The following PDE8A variants were observed in gnomAD, a reference collection of about 807,000 sequenced individuals.
PDE8A encodes the protein phosphodiesterase 8A.
A neutral mutation model predicts 105.0 loss-of-function variants in PDE8A; 59 were observed. The ratio of observed to expected loss-of-function variants is 0.56; its 90% CI spans 0.46 to 0.70. PDE8A has a LOEUF of 0.70. Among genes scored for constraint, PDE8A ranks in the 30% least tolerant of loss-of-function variants. The pLI is 0.00. For missense variants in PDE8A, 1,014 were observed against 1,045.9 expected (o/e 0.97, Z 0.42); for synonymous variants, 355 against 371.9 (o/e 0.95, Z 0.52).
chr15:85,114,428 C>T (rs1163308932), intron 14 of PDE8A, among the ~76,000 whole-genome samples: 3 of 152,106 alleles, frequency 2.0e-5, no homozygotes, highest in African/African-American at 7.2e-5. Context: ...AAAATGGTGC[C>T]GGGGGTGCAA....
At chr15:84,998,781 C>T (rs894357718) in intron 1 of PDE8A, among the ~76,000 whole-genome samples, 2 of 152,058 alleles carry the variant, frequency 1.3e-5, no homozygotes, top group African/African-American at 2.4e-5. Flanking sequence ...CAAAAACTTC[C>T]CATGAGGTGA....
At chr15:85,116,226 G>T in intron 16 of PDE8A, 107 bp downstream of exon 16, 1 of 1,199,616 alleles carries the variant, frequency 8.3e-7, no homozygotes, top group Non-Finnish European at 1.2e-6. Flanking sequence ...CCTGGTCAGG[G>T]TGGGGCCCTA....
At chr15:85,043,703 TG>T (rs1363025443) in intron 1 of PDE8A, among the ~76,000 whole-genome samples, 9 of 151,428 alleles carry the variant, frequency 5.9e-5, no homozygotes, top group African/African-American at 2.2e-4. Context: ...TTTGTTTGTT[TG>T]TTTGTTTTTT....
At chr15:85,021,371 G>A (rs289408) in intron 1 of PDE8A, among the ~76,000 whole-genome samples, 104,645 of 151,970 alleles carry the variant, frequency 0.69, 36,491 homozygotes, top group Non-Finnish European at 0.75. Flanking sequence ...ATGTGACCCC[G>A]TCTCTAAAGA....
At chr15:84,996,178 A>AT (rs903551972) in intron 1 of PDE8A, among the ~76,000 whole-genome samples, 7 of 135,884 alleles carry the variant, frequency 5.2e-5, no homozygotes, top group African/African-American at 2.6e-4. Flanking sequence ...TGTTTTTAAA[A>AT]TTTTTTTTAA....
intron 1 of PDE8A, among the ~76,000 whole-genome samples, chr15:85,047,436 ACT>A (rs1456671228): frequency 6.6e-6 from 1 of 152,022 alleles, no homozygotes; most frequent in East Asian, 1.9e-4. Context: ...CTGTTAGGAG[ACT>A]CTGCTCCATA....
chr15:85,033,884 C>T (rs1440176736), intron 1 of PDE8A, among the ~76,000 whole-genome samples: 1 of 152,014 alleles, frequency 6.6e-6, no homozygotes, highest in East Asian at 1.9e-4. Flanking sequence ...AAAACAAAAA[C>T]ACAAAAATTC....
intron 1 of PDE8A, among the ~76,000 whole-genome samples, chr15:85,025,627 G>C (rs1303017515): frequency 6.6e-6 from 1 of 152,124 alleles, no homozygotes; most frequent in Non-Finnish European, 1.5e-5. Flanking sequence ...AGATTAATCT[G>C]AGTTTATATT....
chr15:85,108,810 C>A (rs905003924), intron 11 of PDE8A, among the ~76,000 whole-genome samples: 1 of 152,072 alleles, frequency 6.6e-6, no homozygotes, highest in Non-Finnish European at 1.5e-5. Context: ...TGTCTTGGGA[C>A]TCTGTAATTA....
intron 1 of PDE8A, among the ~76,000 whole-genome samples, chr15:85,008,978 G>T (rs2080194619): frequency 6.6e-6 from 1 of 152,100 alleles, no homozygotes; most frequent in South Asian, 2.1e-4. Context: ...CTCCTGTTCT[G>T]ACACTGGGCC....
At chr15:85,001,490 T>G (rs2080066959) in intron 1 of PDE8A, among the ~76,000 whole-genome samples, 1 of 152,232 alleles carries the variant, frequency 6.6e-6, no homozygotes, top group Non-Finnish European at 1.5e-5. Context: ...TTTTCCCTCC[T>G]GACTGTTTCA....
At chr15:85,077,428 T>C (rs1228002428) in intron 5 of PDE8A, among the ~76,000 whole-genome samples, 2 of 152,214 alleles carry the variant, frequency 1.3e-5, no homozygotes, top group Non-Finnish European at 2.9e-5. Flanking sequence ...CCCAGGTTAG[T>C]ATAAGAAAGG....
At chr15:85,135,717 G>A (rs1244435379) in intron 20 of PDE8A, among the ~76,000 whole-genome samples, 2 of 152,076 alleles carry the variant, frequency 1.3e-5, no homozygotes, top group South Asian at 2.1e-4. Context: ...GCACCATTGG[G>A]CCAAAATGAG....
chr15:85,072,000 G>A (rs963303564), intron 3 of PDE8A, among the ~76,000 whole-genome samples: 1 of 152,078 alleles, frequency 6.6e-6, no homozygotes, highest in Non-Finnish European at 1.5e-5. Context: ...ATCTCATAAA[G>A]GGATATAGAG....
At chr15:85,046,203 C>T (rs1043228630) in intron 1 of PDE8A, among the ~76,000 whole-genome samples, 1 of 151,888 alleles carries the variant, frequency 6.6e-6, no homozygotes, top group African/African-American at 2.4e-5. Context: ...AGGCACCCAC[C>T]ACACCTGGCT....
chr15:85,055,927 G>C (rs1307306384), intron 1 of PDE8A, among the ~76,000 whole-genome samples: 1 of 152,212 alleles, frequency 6.6e-6, no homozygotes, highest in East Asian at 1.9e-4. Context: ...AATTTGGCAT[G>C]TTTTTGCAGT....
chr15:85,068,940 T>G (rs771354750), intron 3 of PDE8A, among the ~76,000 whole-genome samples: 2 of 152,178 alleles, frequency 1.3e-5, no homozygotes, highest in Non-Finnish European at 2.9e-5. Context: ...GGGAAGAAAA[T>G]GTACTATTGC....
chr15:85,064,521 T>G, intron 2 of PDE8A, 95 bp downstream of exon 2: 2 of 777,988 alleles, frequency 2.6e-6, no homozygotes, highest in Non-Finnish European at 4.4e-6. Context: ...AGTCTTTCAT[T>G]TAGATAATAG....
intron 2 of PDE8A, among the ~76,000 whole-genome samples, chr15:85,066,000 T>G (rs2081218896): frequency 6.7e-6 from 1 of 148,518 alleles, no homozygotes; most frequent in Non-Finnish European, 1.5e-5. Context: ...TGGTCTACTT[T>G]AAATCTTTCT....
Sources: gnomAD v4.1 joint callset for allele counts (sites outside exome capture counted in the v4.1 genomes callset) on GRCh38, gnomAD v4.1.1 for gene constraint, MANE v1.5 for transcripts, NCBI Gene and HGNC (gene_info 2026-07-23, HGNC 2026-07-21) for gene names.